SLC4A5: variants seen among roughly 807,000 people sequenced by gnomAD.
SLC4A5 encodes solute carrier family 4 member 5.
SLC4A5 carries 96 observed loss-of-function variants against 120.4 expected under a neutral mutation model. The ratio of observed to expected loss-of-function variants is 0.80; its 90% CI spans 0.68 to 0.94. The LOEUF is 0.94. SLC4A5 is among the 40% of genes least tolerant of loss of function. SLC4A5 has a pLI of 0.00. For synonymous variants in SLC4A5, 550 were observed against 571.1 expected (o/e 0.96, Z 0.53); for missense variants, 1,259 against 1,459.5 (o/e 0.86, Z 2.24).
chr2:74,304,969 G>T (rs1446769233), intron 6 of SLC4A5, among the ~76,000 whole-genome samples: 2 of 152,170 alleles, frequency 1.3e-5, no homozygotes, highest in Admixed American at 6.5e-5. Context: ...TACTGGATAT[G>T]GCTTATGACA....
exon 19 of SLC4A5, chr2:74,247,054 A>G: frequency 6.2e-7 from 1 of 1,613,956 alleles, no homozygotes. Context: ...GGGGCGACAC[A>G]CTCGCACTTG....
At chr2:74,303,292 G>C (rs1018363948) in intron 7 of SLC4A5, among the ~76,000 whole-genome samples, 29 of 152,248 alleles carry the variant, frequency 1.9e-4, no homozygotes, top group Admixed American at 1.3e-3. Flanking sequence ...TGCAGGGTTG[G>C]GGGTAGCTCC....
chr2:74,328,936 T>C (rs184831100), intron 4 of SLC4A5, among the ~76,000 whole-genome samples: 1 of 152,292 alleles, frequency 6.6e-6, no homozygotes, highest in Non-Finnish European at 1.5e-5. Flanking sequence ...AAGGTGACCT[T>C]TTCGGAGAGA....
intron 7 of SLC4A5, among the ~76,000 whole-genome samples, chr2:74,287,491 A>G (rs772085953): frequency 1.6e-4 from 25 of 152,296 alleles, no homozygotes; most frequent in Non-Finnish European, 2.9e-4. Context: ...TGCCTGACAC[A>G]GGGCTTGGAA....
intron 30 of SLC4A5, among the ~76,000 whole-genome samples, chr2:74,220,806 G>A (rs1023233661): frequency 8.9e-5 from 13 of 145,896 alleles, no homozygotes; most frequent in East Asian, 4.1e-4. Context: ...GTGAGCCACC[G>A]CGCCTGGCTT....
At chr2:74,254,790 A>C in intron 13 of SLC4A5, 84 bp from the exon 14 acceptor site, 1 of 1,025,236 alleles carries the variant, frequency 9.8e-7, no homozygotes, top group Non-Finnish European at 1.5e-6. Flanking sequence ...GCAAGTGAAG[A>C]GAATTCTCTG....
At chr2:74,229,609 C>G (rs545647297) in intron 25 of SLC4A5, among the ~76,000 whole-genome samples, 23 of 152,258 alleles carry the variant, frequency 1.5e-4, no homozygotes, top group African/African-American at 5.3e-4. Flanking sequence ...TCAAAATTGA[C>G]ATACACAATG....
At chr2:74,315,110 T>A in intron 5 of SLC4A5, 85 bp from the exon 6 acceptor site, 1 of 1,124,804 alleles carries the variant, frequency 8.9e-7, no homozygotes, top group Non-Finnish European at 1.4e-6. Flanking sequence ...TCCACAGTCA[T>A]AATGGGAGAT....
At chr2:74,326,688 GCA>G (rs1673224210) in intron 5 of SLC4A5, among the ~76,000 whole-genome samples, 1 of 152,104 alleles carries the variant, frequency 6.6e-6, no homozygotes, top group Non-Finnish European at 1.5e-5. Context: ...GTGTGGTGGT[GCA>G]CGCCTGTAAT....
intron 8 of SLC4A5, among the ~76,000 whole-genome samples, chr2:74,278,826 A>C (rs1671723265): frequency 6.6e-6 from 1 of 152,204 alleles, no homozygotes; most frequent in African/African-American, 2.4e-5. Context: ...ATCTGACCAT[A>C]AATCTCCATG....
At chr2:74,265,363 T>C in intron 8 of SLC4A5, 99 bp from the exon 9 acceptor site, 1 of 1,409,446 alleles carries the variant, frequency 7.1e-7, no homozygotes. Flanking sequence ...GTTCATGCTA[T>C]GTATGTGGTT....
chr2:74,217,132 T>G (rs1361249047), exon 31 of SLC4A5: 1 of 152,222 alleles, frequency 6.6e-6, no homozygotes, highest in Non-Finnish European at 1.5e-5. Flanking sequence ...AAGGTGTTAA[T>G]GATCTAGTGT....
intron 27 of SLC4A5, among the ~76,000 whole-genome samples, chr2:74,225,905 C>G (rs1694826498): frequency 6.6e-6 from 1 of 152,160 alleles, no homozygotes; most frequent in African/African-American, 2.4e-5. Context: ...GCCTCATTTT[C>G]TCATCTGTAA....
intron 28 of SLC4A5, 92 bp from the exon 29 acceptor site, chr2:74,223,044 G>GC (rs1372405671): frequency 1.2e-6 from 1 of 817,138 alleles, no homozygotes; most frequent in African/African-American, 1.8e-5. Context: ...TCGCTCTACT[G>GC]CCCAGGCTGG....
chr2:74,286,054 T>C, intron 7 of SLC4A5, 152 bp from the exon 8 acceptor site: 1 of 832,254 alleles, frequency 1.2e-6, no homozygotes, highest in Non-Finnish European at 1.7e-6. Flanking sequence ...GCTGGCCTCC[T>C]GTAACCATGA....
At chr2:74,259,967 T>C (rs949279796) in intron 11 of SLC4A5, among the ~76,000 whole-genome samples, 4 of 152,116 alleles carry the variant, frequency 2.6e-5, no homozygotes, top group African/African-American at 9.7e-5. Context: ...CAGGCCCGGA[T>C]AGGAGGAGGG....
intron 11 of SLC4A5, 25 bp downstream of exon 11, chr2:74,262,110 CCA>C (rs1296494358): frequency 6.2e-7 from 1 of 1,603,324 alleles, no homozygotes; most frequent in Non-Finnish European, 8.5e-7. Flanking sequence ...AATAAAGCTG[CCA>C]CAGAGCGGCA....
intron 11 of SLC4A5, 88 bp from the exon 12 acceptor site, chr2:74,259,731 A>G: frequency 1.5e-6 from 2 of 1,312,128 alleles, no homozygotes; most frequent in Non-Finnish European, 2.2e-6. Context: ...TACCTCTCCC[A>G]TGTTCATAAC....
intron 17 of SLC4A5, 125 bp from the exon 18 acceptor site, chr2:74,248,611 T>G (rs1670694364): frequency 8.7e-7 from 1 of 1,145,810 alleles, no homozygotes; most frequent in Admixed American, 2.6e-5. Context: ...CTGGGCCCTT[T>G]CCTCCCTAAA....
Sources: allele counts gnomAD v4.1 joint callset (sites outside exome capture counted in the v4.1 genomes callset), GRCh38; gene constraint gnomAD v4.1.1; transcripts MANE v1.5; gene names NCBI Gene and HGNC (gene_info 2026-07-23, HGNC 2026-07-21).